Variants in ANKRA2 observed in about 807,000 individuals in gnomAD.
The protein encoded by ANKRA2 is ankyrin repeat family A protein 2.
A neutral mutation model predicts 37.8 loss-of-function variants in ANKRA2; 33 were observed. That is an observed-to-expected ratio of 0.87 (90% CI 0.66 to 1.17). The LOEUF is 1.17. Among genes scored for constraint, ANKRA2 ranks in the 50% most tolerant of loss-of-function variants. The probability of loss-of-function intolerance (pLI) is 0.00; values close to 1 mark genes in which losing one functional copy is unlikely to be tolerated. For missense variants in ANKRA2, 326 were observed against 373.7 expected (o/e 0.87, Z 1.05); for synonymous variants, 126 against 132.3 (o/e 0.95, Z 0.33).
At position 73,554,787 on chromosome 5, in the gene ANKRA2, T is replaced by G. The variant is rs1019717601; in HGVS notation, c.738+74A>C. 3.9e-5 allele frequency: 58 copies of G among 1,504,510 alleles called. 1 individual carries two copies. The Middle Eastern group carries it at 1.2e-3, about 32-fold the overall frequency. The allele number at this position is 1,504,510 out of a possible 1,614,324, so 93.2% of individuals were successfully genotyped here. On this transcript the variant is annotated intron_variant, in intron 6 of 8. Coordinates refer to ENST00000296785, the MANE Select transcript of ANKRA2 (RefSeq NM_023039.5). ...AGTCTATTTCTTCTTTAATAAAACT[T>G]ACTGCATCTCTCCCAAACCAAATAA...
At position 73,556,641 on chromosome 5, in the gene ANKRA2, T is replaced by C. The variant is rs16870579; in HGVS notation, c.514+934A>G. ...AGAAAATAAATTTATGACTTACAGA[T>C]GTTATGCTTTCAGAACTTCATAAAG... On this transcript the variant is annotated intron_variant, in intron 4 of 8. Transcript: ENST00000296785. 9.2e-3 allele frequency among the ~76,000 whole-genome samples: 1,394 copies of C among 152,252 alleles called. 22 individuals are homozygous for C. Among genetic ancestry groups the C allele is most frequent in the African/African-American group, 0.032 (1,319 of 41,542 alleles).
intron 2 of ANKRA2, 57 bp downstream of exon 2, chr5:73,562,536 T>C: frequency 2.7e-6 from 4 of 1,465,730 alleles, no homozygotes; most frequent in Non-Finnish European, 3.7e-6. Flanking sequence ...ATTGGGAAAA[T>C]AACCCAAATA....
chr5:73,556,856 C>G (rs545270025), intron 4 of ANKRA2, among the ~76,000 whole-genome samples: 2 of 151,758 alleles, frequency 1.3e-5, no homozygotes, highest in African/African-American at 2.4e-5. Flanking sequence ...ATTTTTCACA[C>G]GTCAGATTAG....
chr5:73,564,482 T>C (rs556735249), intron 1 of ANKRA2, among the ~76,000 whole-genome samples: 5 of 152,358 alleles, frequency 3.3e-5, no homozygotes, highest in Non-Finnish European at 7.3e-5. Flanking sequence ...TCCTACCAGG[T>C]GCTCCATAAA....
In ANKRA2 at chr5:73,554,741, CA is replaced by C. The variant is rs1463139572; in HGVS notation, c.738+119del. 9 of 1,215,238 alleles carry C rather than the reference CA, an allele frequency of 7.4e-6. No homozygotes were observed. In the East Asian group the frequency reaches 2.3e-4, roughly 31 times the overall value. The allele number at this position is 1,215,238 out of a possible 1,614,324, so 75.3% of individuals were successfully genotyped here. On this transcript the variant is annotated intron_variant, in intron 6 of 8. Transcript: ENST00000296785. ...TCAGCCTCCCAAGTGGCTGGGACTA[CA>C]GGTGTACACCACGATGCTCAGTCTA...
At chr5:73,553,721 T>C (rs1018000863) in intron 7 of ANKRA2, among the ~76,000 whole-genome samples, 2 of 151,922 alleles carry the variant, frequency 1.3e-5, no homozygotes, top group East Asian at 1.9e-4. Context: ...CAATTAAAGA[T>C]AAAGCTCACG....
At chr5:73,554,754 C>T (rs1008365320) in intron 6 of ANKRA2, 107 bp downstream of exon 6, 16 of 1,332,006 alleles carry the variant, frequency 1.2e-5, no homozygotes, top group East Asian at 2.4e-5. Flanking sequence ...GTGTACACCA[C>T]GATGCTCAGT....
At chr5:73,563,205 C>G (rs936154900) in intron 1 of ANKRA2, among the ~76,000 whole-genome samples, 2 of 152,178 alleles carry the variant, frequency 1.3e-5, no homozygotes, top group Non-Finnish European at 2.9e-5. Flanking sequence ...CTCTGAGCTT[C>G]CGTGTCATTT....
Position 73,562,701 on chromosome 5 carries a change from C to A in ANKRA2, c.181G>T (p.Asp61Tyr). The change falls in exon 2 of 9, where the codon GAT becomes TAT. Residue 61 changes from aspartate to tyrosine, a missense_variant. Around this residue, in one of 3 missense-constraint regions of ANKRA2, gnomAD observed 93 missense variants for 91.1 expected, o/e 1.02. Coordinates refer to ENST00000296785, the MANE Select transcript of ANKRA2 (RefSeq NM_023039.5). ...GMKFILPNRF[D>Y]MNVCSRFVKS... The stretch of plus-strand genomic sequence containing the variant: ...ACAAATCGAGAACACACATTCATAT[C>A]AAATCGGTTAGGCAATATGAATTTC... 2 of 1,614,162 alleles carry A rather than the reference C, an allele frequency of 1.2e-6. No homozygotes were observed. Among genetic ancestry groups the A allele is most frequent in the Non-Finnish European group, 1.7e-6 (2 of 1,180,014 alleles).
At chr5:73,561,014 G>T in intron 3 of ANKRA2, 116 bp downstream of exon 3, 1 of 1,094,448 alleles carries the variant, frequency 9.1e-7, no homozygotes, top group Admixed American at 2.5e-5. Flanking sequence ...CCATTGTGTA[G>T]TATAACACAT....
chr5:73,553,626 T>C (rs918647156), intron 7 of ANKRA2, 140 bp from the exon 8 acceptor site: 42 of 670,004 alleles, frequency 6.3e-5, no homozygotes, highest in Non-Finnish European at 1.3e-5. Flanking sequence ...ACAGAGTGCA[T>C]GGGGTACTTA....
At chr5:73,553,782 C>CTTTT (rs56080001) in intron 7 of ANKRA2, among the ~76,000 whole-genome samples, 1 of 126,600 alleles carries the variant, frequency 7.9e-6, no homozygotes, top group Non-Finnish European at 1.8e-5. Flanking sequence ...TTCTTTTCTT[C>CTTTT]TTTTTTTTTT....
intron 7 of ANKRA2, 47 bp from the exon 8 acceptor site, chr5:73,553,533 A>G: frequency 6.7e-7 from 1 of 1,491,180 alleles, no homozygotes; most frequent in Non-Finnish European, 9.3e-7. Flanking sequence ...AAATGCAGAT[A>G]TGTTTGTCTG....
intron 4 of ANKRA2, 71 bp from the exon 5 acceptor site, chr5:73,555,656 GC>G: frequency 7.5e-7 from 1 of 1,339,336 alleles, no homozygotes; most frequent in Non-Finnish European, 1.0e-6. Flanking sequence ...TGAAAAACTG[GC>G]ATTCCAAAGA....
chr5:73,554,573 A>AG (rs1165754330), intron 6 of ANKRA2, 185 bp from the exon 7 acceptor site: 7 of 556,408 alleles, frequency 1.3e-5, no homozygotes, highest in Non-Finnish European at 2.2e-5. Flanking sequence ...TCTTCTATGT[A>AG]GCTAATTAAT....
rs1006995780 is a variant in ANKRA2, at chr5:73,565,408, G to C, written c.-381C>G. 1.4e-5 allele frequency: 3 copies of C among 219,838 alleles called. No individual in the cohort carries two copies. The highest frequency in any genetic ancestry group is 7.0e-5 in the African/African-American group (3 of 42,828). The allele number at this position is 219,838 out of a possible 1,614,324, so 13.6% of individuals were successfully genotyped here. Reference sequence around the variant, plus strand: ...AGCTTCAGTACAGGCCTCCAAGCCCGGGCTTGTTTTGGCCGCGACGTCACT... The same window carrying C: ...AGCTTCAGTACAGGCCTCCAAGCCCCGGCTTGTTTTGGCCGCGACGTCACT... On this transcript the variant is annotated 5_prime_UTR_variant, in exon 1 of 9. Transcript: ENST00000296785.
Position 73,565,354 on chromosome 5 carries a change from C to CCA in ANKRA2, c.-328_-327insTG. On this transcript the variant is annotated 5_prime_UTR_variant, in exon 1 of 9. It removes the in-frame stop codon of an upstream open reading frame in the 5' UTR. Transcript: ENST00000296785. ...TCTCGCGACCACCGACGACAGCAGA[C>CCA]AGCGAGTCGGGCCTTCCCATCTGAG... is the stretch of plus-strand genomic sequence containing the variant. 1.3e-5 allele frequency: 2 copies of CCA among 157,040 alleles called. No individual in the cohort carries two copies. Among genetic ancestry groups the CCA allele is most frequent in the South Asian group, 3.2e-4 (2 of 6,282 alleles). 9.7% of individuals were successfully genotyped at this position (157,040 alleles called of 1,614,324 possible). A position where few individuals can be genotyped will look rare whatever the true frequency, so the allele number is the denominator to read the frequency against.
intron 5 of ANKRA2, 26 bp from the exon 6 acceptor site, chr5:73,555,012 A>G (rs760877706): frequency 6.3e-7 from 1 of 1,595,940 alleles, no homozygotes; most frequent in Non-Finnish European, 8.5e-7. Flanking sequence ...GAGATAAAAG[A>G]CTTCTCAATT....
intron 8 of ANKRA2, among the ~76,000 whole-genome samples, chr5:73,553,066 T>C (rs1482459499): frequency 6.6e-6 from 1 of 152,246 alleles, no homozygotes. Context: ...GGACGTTGTG[T>C]CTTTGTTTCT....
Sources: allele counts gnomAD v4.1 joint callset (sites outside exome capture counted in the v4.1 genomes callset), GRCh38; gene constraint gnomAD v4.1.1; regional missense constraint gnomAD v4.1.1; transcripts MANE v1.5; gene names NCBI Gene and HGNC (gene_info 2026-07-23, HGNC 2026-07-21).